Variants in CREB5 observed in about 807,000 individuals in gnomAD.
The protein encoded by CREB5 is cyclic AMP-responsive element-binding protein 5.
A neutral mutation model predicts 57.1 loss-of-function variants in CREB5; 19 were observed. The observed-to-expected ratio is 0.33, with a 90% CI of 0.23 to 0.49. The LOEUF is 0.49. CREB5 is among the 20% of genes least tolerant of loss of function. The pLI, the probability that CREB5 is intolerant of heterozygous loss-of-function variation, is 0.99. For missense variants in CREB5, 579 were observed against 671.6 expected (o/e 0.86, Z 1.52); for synonymous variants, 238 against 238.3 (o/e 1.00, Z 0.01).
At chr7:28,560,524 G>A (rs1013652089) in intron 4 of CREB5, among the ~76,000 whole-genome samples, 1 of 152,106 alleles carries the variant, frequency 6.6e-6, no homozygotes, top group Non-Finnish European at 1.5e-5. Flanking sequence ...GGACTAAAAG[G>A]ATTGGAAGCC....
intron 1 of CREB5, among the ~76,000 whole-genome samples, chr7:28,305,052 C>A (rs1785159892): frequency 6.6e-6 from 1 of 152,158 alleles, no homozygotes; most frequent in Non-Finnish European, 1.5e-5. Flanking sequence ...GCTCCTCCAG[C>A]CTCTTGTTCT....
At chr7:28,706,942 G>T (rs1039093491) in intron 5 of CREB5, among the ~76,000 whole-genome samples, 1 of 152,172 alleles carries the variant, frequency 6.6e-6, no homozygotes, top group Non-Finnish European at 1.5e-5. Flanking sequence ...ATGAGGTAAC[G>T]TTGTTAAGTC....
rs139224027 is a variant in CREB5 at position 28,698,889 on chromosome 7, C to T, written c.465-19864C>T. ...ATCCCGGGACTAATTATCTTATGAA[C>T]GGTGCACATCGTCTGTATTCAATGC... On this transcript the variant is annotated intron_variant, in intron 5 of 10. Coordinates refer to ENST00000357727, the MANE Select transcript of CREB5 (RefSeq NM_182898.4). Among the ~76,000 whole-genome samples the T allele has an allele frequency of 2.8e-4, 42 of 152,304 alleles. No homozygotes were observed. In the East Asian group the frequency reaches 6.2e-3, roughly 22 times the overall value.
chr7:28,727,337 T>C (rs1228019701), intron 7 of CREB5, among the ~76,000 whole-genome samples: 1 of 152,114 alleles, frequency 6.6e-6, no homozygotes, highest in African/African-American at 2.4e-5. Flanking sequence ...CTCAACATCA[T>C]AGGCTCTTCC....
chr7:28,730,293 C>T (rs1357182863), intron 7 of CREB5, among the ~76,000 whole-genome samples: 1 of 152,098 alleles, frequency 6.6e-6, no homozygotes, highest in African/African-American at 2.4e-5. Flanking sequence ...AAGTAATCCT[C>T]CCACGTACTA....
At chr7:28,364,172 G>T (rs12669896) in intron 1 of CREB5, among the ~76,000 whole-genome samples, 66,837 of 152,086 alleles carry the variant, frequency 0.44, 14,883 homozygotes, top group East Asian at 0.53. Context: ...CTTCAATTGG[G>T]TGTTAAAAAC....
intron 2 of CREB5, chr7:28,491,074 A>G (rs565172338): frequency 6.4e-5 from 25 of 392,864 alleles, no homozygotes; most frequent in Non-Finnish European, 8.3e-5. Flanking sequence ...CCAAACTGCA[A>G]GGGATTAATG....
At chr7:28,372,245 A>G (rs551894048) in intron 1 of CREB5, among the ~76,000 whole-genome samples, 1 of 152,364 alleles carries the variant, frequency 6.6e-6, no homozygotes, top group African/African-American at 2.4e-5. Context: ...TTATAGTAAA[A>G]TGCAGCAAGT....
chr7:28,779,447 C>T (rs1031566590), intron 7 of CREB5, among the ~76,000 whole-genome samples: 5 of 152,194 alleles, frequency 3.3e-5, no homozygotes, highest in East Asian at 1.9e-4. Context: ...ATTCTTATAG[C>T]ACAAATAATG....
chr7:28,804,989 T>G (rs1331003351), intron 8 of CREB5, among the ~76,000 whole-genome samples: 1 of 152,206 alleles, frequency 6.6e-6, no homozygotes, highest in Non-Finnish European at 1.5e-5. Flanking sequence ...ACAGGCAATC[T>G]TCTGAGTAAC....
At chr7:28,777,084 T>C (rs989786870) in intron 7 of CREB5, among the ~76,000 whole-genome samples, 4 of 152,244 alleles carry the variant, frequency 2.6e-5, no homozygotes, top group Non-Finnish European at 5.9e-5. Flanking sequence ...TGCTGGGTCA[T>C]ATAGTAACTC....
intron 1 of CREB5, among the ~76,000 whole-genome samples, chr7:28,341,140 A>G (rs1322894727): frequency 9.2e-5 from 14 of 152,236 alleles, no homozygotes; most frequent in African/African-American, 2.4e-5. Flanking sequence ...TGTTGGGTAG[A>G]TAGTTGTTCA....
At chr7:28,739,724 T>G (rs1340009449) in intron 7 of CREB5, among the ~76,000 whole-genome samples, 1 of 152,216 alleles carries the variant, frequency 6.6e-6, no homozygotes, top group African/African-American at 2.4e-5. Context: ...CAGGCTAGGC[T>G]TCATTCTTCC....
intron 4 of CREB5, among the ~76,000 whole-genome samples, chr7:28,539,609 T>C (rs1794120343): frequency 6.6e-6 from 1 of 152,242 alleles, no homozygotes; most frequent in African/African-American, 2.4e-5. Context: ...AGTGTTTTTG[T>C]GGTTGACATC....
intron 5 of CREB5, among the ~76,000 whole-genome samples, chr7:28,642,973 C>CACAT (rs1554279300): frequency 0.14 from 17,052 of 121,292 alleles, 977 homozygotes; most frequent in Admixed American, 0.17. Context: ...CACACACACA[C>CACAT]ACACACACAC....
At chr7:28,601,870 G>A (rs56760616) in intron 5 of CREB5, among the ~76,000 whole-genome samples, 7,105 of 152,108 alleles carry the variant, frequency 0.047, 611 homozygotes, top group African/African-American at 0.16. Flanking sequence ...ACTATAGTTA[G>A]GTTACTGAAT....
chr7:28,318,681 T>C (rs187672659), intron 1 of CREB5, among the ~76,000 whole-genome samples: 118 of 152,220 alleles, frequency 7.8e-4, no homozygotes, highest in African/African-American at 2.8e-3. Flanking sequence ...ACAGAACCAG[T>C]TCCTGGTTCA....
intron 5 of CREB5, among the ~76,000 whole-genome samples, chr7:28,645,997 C>T (rs993066599): frequency 1.3e-5 from 2 of 152,164 alleles, no homozygotes; most frequent in Non-Finnish European, 2.9e-5. Context: ...GCTTCTGGTT[C>T]TCAGGTCTTG....
At chr7:28,686,473 G>GAAAAAAGA (rs1283203139) in intron 5 of CREB5, among the ~76,000 whole-genome samples, 3 of 108,062 alleles carry the variant, frequency 2.8e-5, no homozygotes, top group Non-Finnish European at 6.1e-5. Flanking sequence ...CGGGTTGGAG[G>GAAAAAAGA]AAAAAAGAAA....
Sources: gnomAD v4.1 joint callset for allele counts (sites outside exome capture counted in the v4.1 genomes callset) on GRCh38, gnomAD v4.1.1 for gene constraint, MANE v1.5 for transcripts, NCBI Gene and HGNC (gene_info 2026-07-23, HGNC 2026-07-21) for gene names.